Variants in ZNF804B observed in about 807,000 individuals in gnomAD.
ZNF804B encodes zinc finger 804B.
In ZNF804B, 80 loss-of-function variants were observed where a neutral mutation model predicts 101.4. The observed-to-expected ratio is 0.79, with a 90% CI of 0.66 to 0.95. ZNF804B has a LOEUF of 0.95. Among genes scored for constraint, ZNF804B ranks in the 40% least tolerant of loss-of-function variants. ZNF804B has a pLI of 0.00. For missense variants in ZNF804B, 1,673 were observed against 1,561.9 expected (o/e 1.07, Z -1.20); for synonymous variants, 622 against 558.8 (o/e 1.11, Z -1.59).
intron 1 of ZNF804B, among the ~76,000 whole-genome samples, chr7:88,999,438 C>A (rs897918026): frequency 4.6e-5 from 7 of 151,822 alleles, no homozygotes; most frequent in Non-Finnish European, 8.8e-5. Flanking sequence ...CTGGACTTTT[C>A]AAAGAGAAAA....
chr7:89,298,341 C>T (rs1790424909), intron 2 of ZNF804B, among the ~76,000 whole-genome samples: 1 of 144,702 alleles, frequency 6.9e-6, no homozygotes, highest in African/African-American at 2.6e-5. Flanking sequence ...CTGCACCCAT[C>T]AACCCATCAT....
At chr7:89,272,460 CAGAT>C (rs1314681690) in intron 2 of ZNF804B, among the ~76,000 whole-genome samples, 2 of 151,952 alleles carry the variant, frequency 1.3e-5, no homozygotes, top group Admixed American at 1.3e-4. Context: ...CCATAAAACA[CAGAT>C]AGAACAGGAG....
intron 1 of ZNF804B, among the ~76,000 whole-genome samples, chr7:88,981,995 G>GCTTATAA (rs1793700052): frequency 6.6e-6 from 1 of 151,870 alleles, no homozygotes; most frequent in Non-Finnish European, 1.5e-5. Flanking sequence ...TTTCTTATGT[G>GCTTATAA]GATAGTTATT....
chr7:89,010,008 T>A (rs1390637071), intron 1 of ZNF804B, among the ~76,000 whole-genome samples: 1 of 152,158 alleles, frequency 6.6e-6, no homozygotes, highest in Non-Finnish European at 1.5e-5. Context: ...CCAAATTCTT[T>A]TATTAAGTTT....
At chr7:88,777,643 G>A (rs543787562) in intron 1 of ZNF804B, among the ~76,000 whole-genome samples, 27 of 152,000 alleles carry the variant, frequency 1.8e-4, no homozygotes, top group Non-Finnish European at 3.7e-4. Context: ...AGGAATTCGA[G>A]ATCAGCCTGG....
At chr7:89,282,887 A>G (rs1044863160) in intron 2 of ZNF804B, among the ~76,000 whole-genome samples, 8 of 152,166 alleles carry the variant, frequency 5.3e-5, no homozygotes, top group Admixed American at 3.9e-4. Flanking sequence ...GGCCCTGCCA[A>G]TATCTTGATT....
rs985821059 is a variant in ZNF804B at position 89,141,468 on chromosome 7, A to T, written c.109-76687A>T. 3.9e-5 allele frequency among the ~76,000 whole-genome samples: 6 copies of T among 152,060 alleles called. 1 individual carries two copies. The South Asian group carries it at 1.0e-3, about 26-fold the overall frequency. On this transcript the variant is annotated intron_variant, in intron 1 of 3. Transcript: ENST00000333190. ...TTTTTATTGATATATTCATCAATGGACATTTGGGTAATGCTCACCTTTTGG... is the reference window on the plus strand; with the variant it reads ...TTTTTATTGATATATTCATCAATGGTCATTTGGGTAATGCTCACCTTTTGG...
chr7:89,031,046 G>C (rs950879136), intron 1 of ZNF804B, among the ~76,000 whole-genome samples: 22 of 151,968 alleles, frequency 1.4e-4, no homozygotes, highest in African/African-American at 5.3e-4. Context: ...GGGAGGGATA[G>C]TGTAAGGAGA....
chr7:88,794,717 C>G, intron 1 of ZNF804B: 1 of 1,613,540 alleles, frequency 6.2e-7, no homozygotes, highest in Non-Finnish European at 8.5e-7. Flanking sequence ...TGTTTCAAAA[C>G]TGACTGAAAC....
intron 2 of ZNF804B, among the ~76,000 whole-genome samples, chr7:89,235,769 T>C (rs2115750476): frequency 6.6e-6 from 1 of 152,148 alleles, no homozygotes; most frequent in East Asian, 1.9e-4. Flanking sequence ...ATTTTTTTTT[T>C]TTCTGAGGAA....
At chr7:88,760,202 C>A (rs1789873740) in intron 1 of ZNF804B, 118 bp downstream of exon 1, 1 of 783,662 alleles carries the variant, frequency 1.3e-6, no homozygotes, top group Non-Finnish European at 2.1e-6. Flanking sequence ...AAAACGTATA[C>A]CTTATCCATA....
chr7:89,032,473 T>C (rs1788853491), intron 1 of ZNF804B, among the ~76,000 whole-genome samples: 1 of 152,138 alleles, frequency 6.6e-6, no homozygotes, highest in Non-Finnish European at 1.5e-5. Flanking sequence ...TTATATGAGA[T>C]AGATAGTACA....
intron 1 of ZNF804B, among the ~76,000 whole-genome samples, chr7:88,836,077 G>A (rs1038262083): frequency 2.6e-5 from 4 of 151,932 alleles, no homozygotes; most frequent in African/African-American, 9.6e-5. Flanking sequence ...CTGTATCAAA[G>A]GGACAGCCAA....
intron 1 of ZNF804B, among the ~76,000 whole-genome samples, chr7:89,037,560 T>G (rs933692047): frequency 1.3e-5 from 2 of 149,282 alleles, no homozygotes; most frequent in South Asian, 4.2e-4. Flanking sequence ...CACAATGTAA[T>G]GCATGGATAT....
intron 1 of ZNF804B, among the ~76,000 whole-genome samples, chr7:88,768,666 C>T (rs10952929): frequency 0.39 from 59,331 of 151,820 alleles, 13,124 homozygotes; most frequent in African/African-American, 0.6. Flanking sequence ...TGCCATGAGC[C>T]GAGATAGCAC....
At chr7:88,976,202 T>G (rs1393657333) in intron 1 of ZNF804B, among the ~76,000 whole-genome samples, 5 of 151,718 alleles carry the variant, frequency 3.3e-5, no homozygotes, top group Non-Finnish European at 5.9e-5. Flanking sequence ...CCGTTTTTGT[T>G]CTTATTGCTC....
At chr7:89,168,251 T>C (rs1280360492) in intron 1 of ZNF804B, among the ~76,000 whole-genome samples, 1 of 152,118 alleles carries the variant, frequency 6.6e-6, no homozygotes, top group Non-Finnish European at 1.5e-5. Context: ...AAATCAATGG[T>C]ACTAAAATAA....
chr7:89,265,124 G>T (rs1789766649), intron 2 of ZNF804B, among the ~76,000 whole-genome samples: 1 of 152,164 alleles, frequency 6.6e-6, no homozygotes, highest in African/African-American at 2.4e-5. Flanking sequence ...AGTTGAGAAA[G>T]ATAGTGTGAT....
intron 1 of ZNF804B, among the ~76,000 whole-genome samples, chr7:88,914,905 A>G (rs1173561053): frequency 6.6e-6 from 1 of 152,196 alleles, no homozygotes; most frequent in Non-Finnish European, 1.5e-5. Flanking sequence ...TGTTATAATA[A>G]AAATCCTTTA....
Sources: gnomAD v4.1 joint callset for allele counts (sites outside exome capture counted in the v4.1 genomes callset) on GRCh38, gnomAD v4.1.1 for gene constraint, MANE v1.5 for transcripts, NCBI Gene and HGNC (gene_info 2026-07-23, HGNC 2026-07-21) for gene names.